FGGY: variants seen among roughly 807,000 people sequenced by gnomAD.
FGGY encodes the protein FGGY carbohydrate kinase domain containing.
A neutral mutation model predicts 71.3 loss-of-function variants in FGGY; 72 were observed. The ratio of observed to expected loss-of-function variants is 1.01; its 90% CI spans 0.84 to 1.23. The LOEUF (loss-of-function observed/expected upper bound fraction) is 1.23, where lower values mean the gene tolerates loss of function less well. FGGY is among the 50% of genes most tolerant of loss of function. The pLI is 0.00. For synonymous variants in FGGY, 251 were observed against 250.3 expected (o/e 1.00, Z -0.02); for missense variants, 668 against 682.3 (o/e 0.98, Z 0.23).
chr1:59,468,872 T>TAAAA (rs397967555), intron 6 of FGGY, among the ~76,000 whole-genome samples: 5 of 119,578 alleles, frequency 4.2e-5, no homozygotes, highest in African/African-American at 1.6e-4. Flanking sequence ...ACTCTGTCTT[T>TAAAA]AAAAAAAAAA....
At chr1:59,456,889 G>T in intron 5 of FGGY, 72 bp from the exon 6 acceptor site, 2 of 983,438 alleles carry the variant, frequency 2.0e-6, no homozygotes, top group South Asian at 2.7e-5. Flanking sequence ...TACCTGGACG[G>T]GTATTTTGCA....
chr1:59,654,459 T>C (rs777137804), intron 11 of FGGY, among the ~76,000 whole-genome samples: 3 of 152,208 alleles, frequency 2.0e-5, no homozygotes, highest in Admixed American at 1.3e-4. Flanking sequence ...CTGATGACCA[T>C]AGAAAAATCT....
intron 4 of FGGY, among the ~76,000 whole-genome samples, chr1:59,374,761 G>A (rs1021056864): frequency 6.6e-6 from 1 of 151,948 alleles, no homozygotes. Context: ...CTTTGTAGGG[G>A]CATGGATGAA....
intron 5 of FGGY, among the ~76,000 whole-genome samples, chr1:59,415,409 T>G (rs1269530293): frequency 2.0e-5 from 3 of 152,260 alleles, no homozygotes; most frequent in Non-Finnish European, 4.4e-5. Flanking sequence ...CCATAAGTGC[T>G]ATTTAGAAAT....
At chr1:59,422,333 A>G (rs2065585242) in intron 5 of FGGY, among the ~76,000 whole-genome samples, 1 of 152,182 alleles carries the variant, frequency 6.6e-6, no homozygotes, top group African/African-American at 2.4e-5. Context: ...GTATTTCCAT[A>G]TAGTCCTACC....
chr1:59,695,971 CAT>C (rs2097654776), intron 14 of FGGY, among the ~76,000 whole-genome samples: 1 of 152,064 alleles, frequency 6.6e-6, no homozygotes, highest in Non-Finnish European at 1.5e-5. Flanking sequence ...ACTTTCTAAC[CAT>C]ATGTCAGTCT....
intron 5 of FGGY, among the ~76,000 whole-genome samples, chr1:59,421,390 T>A (rs1361836102): frequency 1.3e-5 from 2 of 152,112 alleles, no homozygotes; most frequent in African/African-American, 2.4e-5. Context: ...GCTGAAATAT[T>A]TACAGAAAAA....
chr1:59,334,912 C>T (rs151063243), intron 2 of FGGY, among the ~76,000 whole-genome samples: 3 of 152,190 alleles, frequency 2.0e-5, no homozygotes, highest in East Asian at 1.9e-4. Context: ...AAAAATTATA[C>T]AAACAAGTGT....
chr1:59,440,478 G>T (rs1015098445), intron 5 of FGGY, among the ~76,000 whole-genome samples: 1 of 151,814 alleles, frequency 6.6e-6, no homozygotes, highest in African/African-American at 2.4e-5. Context: ...AGTTGCAAAG[G>T]TAGAGCTTCA....
At chr1:59,366,538 A>G (rs965484940) in intron 4 of FGGY, among the ~76,000 whole-genome samples, 2 of 152,168 alleles carry the variant, frequency 1.3e-5, no homozygotes, top group Non-Finnish European at 2.9e-5. Flanking sequence ...ACAAAATATT[A>G]CAATAATGTT....
chr1:59,471,845 A>G (rs1163270333), intron 6 of FGGY, among the ~76,000 whole-genome samples: 1 of 152,246 alleles, frequency 6.6e-6, no homozygotes, highest in East Asian at 1.9e-4. Flanking sequence ...GATGTCCAAG[A>G]TGCCATGGAG....
intron 2 of FGGY, among the ~76,000 whole-genome samples, chr1:59,330,113 T>C (rs1290877249): frequency 6.6e-6 from 1 of 152,174 alleles, no homozygotes; most frequent in Non-Finnish European, 1.5e-5. Flanking sequence ...TTTTTTGTTA[T>C]CAAATAATAA....
intron 6 of FGGY, among the ~76,000 whole-genome samples, chr1:59,492,028 T>C (rs771241403): frequency 1.3e-5 from 2 of 152,278 alleles, no homozygotes; most frequent in Non-Finnish European, 2.9e-5. Context: ...ATATTTAGGG[T>C]GATAAAGCTA....
rs539499530 is a variant in FGGY, at chr1:59,533,149, C to T, written c.799+20710C>T. Among the ~76,000 whole-genome samples the T allele has an allele frequency of 1.5e-4, 23 of 152,288 alleles. 1 individual carries two copies. Among genetic ancestry groups the T allele is most frequent in the South Asian group, 1.2e-3 (6 of 4,826 alleles). On this transcript the variant is annotated intron_variant, in intron 7 of 15. Coordinates refer to ENST00000303721, the MANE Select transcript of FGGY (RefSeq NM_018291.5). ...AGTGGGCGCAGGACAGTGGGTGCCG[C>T]GCACCATGCACGAGCTGAAGCAGGG...
At chr1:59,510,954 TTAAAACTAAA>T (rs1371708500) in intron 6 of FGGY, among the ~76,000 whole-genome samples, 1 of 152,188 alleles carries the variant, frequency 6.6e-6, no homozygotes. Context: ...TAAGTTGAAG[TTAAAACTAAA>T]TAAAACTAAA....
At chr1:59,587,288 C>T (rs1408542298) in intron 8 of FGGY, among the ~76,000 whole-genome samples, 3 of 152,066 alleles carry the variant, frequency 2.0e-5, no homozygotes, top group African/African-American at 7.2e-5. Flanking sequence ...GCAAAGCAGC[C>T]TGGAAGCTCG....
At chr1:59,623,067 A>G (rs1384193977) in intron 9 of FGGY, among the ~76,000 whole-genome samples, 1 of 152,170 alleles carries the variant, frequency 6.6e-6, no homozygotes, top group Non-Finnish European at 1.5e-5. Flanking sequence ...AGAGACAGAC[A>G]TATAACTAAG....
intron 5 of FGGY, among the ~76,000 whole-genome samples, chr1:59,400,708 A>G (rs1305559922): frequency 6.6e-6 from 1 of 152,052 alleles, no homozygotes; most frequent in Non-Finnish European, 1.5e-5. Context: ...GAATTCCCAA[A>G]TAGAATGTTA....
intron 7 of FGGY, among the ~76,000 whole-genome samples, chr1:59,522,016 G>A (rs549893053): frequency 2.6e-5 from 4 of 152,324 alleles, no homozygotes; most frequent in South Asian, 4.1e-4. Flanking sequence ...CTTCCAAAGA[G>A]CTCAAAGCAG....
Sources: gnomAD v4.1 joint callset for allele counts (sites outside exome capture counted in the v4.1 genomes callset) on GRCh38, gnomAD v4.1.1 for gene constraint, MANE v1.5 for transcripts, NCBI Gene and HGNC (gene_info 2026-07-23, HGNC 2026-07-21) for gene names.